PTK2B: variants seen among roughly 807,000 people sequenced by gnomAD.
PTK2B encodes protein tyrosine kinase 2 beta.
PTK2B carries 71 observed loss-of-function variants against 142.9 expected under a neutral mutation model. That is an observed-to-expected ratio of 0.50 (90% CI 0.41 to 0.61). The LOEUF is 0.61. PTK2B is among the 20% of genes least tolerant of loss of function. The pLI, the probability that PTK2B is intolerant of heterozygous loss-of-function variation, is 0.00. For missense variants in PTK2B, 1,105 were observed against 1,320.4 expected (o/e 0.84, Z 2.53); for synonymous variants, 519 against 503.4 (o/e 1.03, Z -0.42).
At chr8:27,405,462 A>G (rs1808654166) in intron 2 of PTK2B, among the ~76,000 whole-genome samples, 1 of 152,232 alleles carries the variant, frequency 6.6e-6, no homozygotes, top group African/African-American at 2.4e-5. Context: ...AGAGAATAAA[A>G]TGGAAGCACA....
At chr8:27,401,507 AG>A (rs756451922) in intron 2 of PTK2B, among the ~76,000 whole-genome samples, 64 of 152,298 alleles carry the variant, frequency 4.2e-4, no homozygotes, top group Non-Finnish European at 7.3e-4. Flanking sequence ...CATTTAAGAG[AG>A]GTTTTGACCA....
In PTK2B at chr8:27,429,127, A is replaced by G. The variant is rs191446435; in HGVS notation, c.552-966A>G. On this transcript the variant is annotated intron_variant, in intron 5 of 30. Coordinates refer to ENST00000346049, the MANE Select transcript of PTK2B (RefSeq NM_173176.3). The stretch of plus-strand genomic sequence containing the variant: ...TCACCATGTTGGCCAGGATGGTCTC[A>G]ATCTCTTGACGTTGTGATTTGCCCA... Among the ~76,000 whole-genome samples the G allele has an allele frequency of 9.2e-3, 1,395 of 152,258 alleles. 26 individuals carry two copies. The highest frequency in any genetic ancestry group is 0.032 in the African/African-American group (1,344 of 41,544).
intron 29 of PTK2B, 24 bp from the exon 30 acceptor site, chr8:27,454,507 C>T: frequency 6.2e-7 from 1 of 1,610,592 alleles, no homozygotes; most frequent in Non-Finnish European, 8.5e-7. Context: ...GAGTGGCGGC[C>T]ATCCTGCCCC....
chr8:27,397,613 G>T lies in PTK2B; in HGVS notation c.29G>T (p.Arg10Leu), dbSNP rs111853465. MSGVSEPLS[R>L]VKLGTLRRPE... ...TCTGGGGTGTCCGAGCCCCTGAGTC[G>T]AGTAAAGTTGGGCACGTTACGCCGG... The change falls in exon 2 of 31, where the codon CGA (arginine) becomes CTA (leucine). Residue 10 changes from arginine (R) to leucine (L), a missense_variant. Transcript: ENST00000346049. The T allele has an allele frequency of 1.2e-6, 2 of 1,614,136 alleles. No individual in the cohort carries two copies. Among genetic ancestry groups the T allele is most frequent in the South Asian group, 1.1e-5 (1 of 91,082 alleles).
intron 3 of PTK2B, among the ~76,000 whole-genome samples, chr8:27,315,554 G>A (rs1215171521): frequency 3.3e-5 from 5 of 152,068 alleles, no homozygotes; most frequent in Non-Finnish European, 7.3e-5. Flanking sequence ...CTGTGTCCCA[G>A]TTGTGTTGTG....
intron 5 of PTK2B, among the ~76,000 whole-genome samples, chr8:27,427,956 T>C (rs950174925): frequency 2.6e-5 from 4 of 152,132 alleles, no homozygotes; most frequent in African/African-American, 7.2e-5. Flanking sequence ...CACATTACAT[T>C]TATTGTGTAC....
At chr8:27,436,195 C>G in intron 14 of PTK2B, 56 bp from the exon 15 acceptor site, 1 of 1,554,442 alleles carries the variant, frequency 6.4e-7, no homozygotes. Flanking sequence ...CACTCAGGTT[C>G]CCTAGGGGAT....
At chr8:27,364,378 A>G (rs1805895696) in intron 1 of PTK2B, among the ~76,000 whole-genome samples, 1 of 152,250 alleles carries the variant, frequency 6.6e-6, no homozygotes, top group South Asian at 2.1e-4. Context: ...TGCGTAACGC[A>G]TTATTTCCAG....
chr8:27,433,662 T>C (rs558947631), intron 11 of PTK2B, 110 bp downstream of exon 11: 94 of 967,410 alleles, frequency 9.7e-5, no homozygotes, highest in Non-Finnish European at 1.3e-4. Context: ...GAATGAGGAT[T>C]CTTCCCCCAC....
At chr8:27,449,469 G>A (rs902590709) in intron 24 of PTK2B, among the ~76,000 whole-genome samples, 2 of 152,186 alleles carry the variant, frequency 1.3e-5, no homozygotes, top group African/African-American at 4.8e-5. Context: ...TAAGAGGCTT[G>A]GTAGGAATTA....
At chr8:27,402,422 G>C (rs182468175) in intron 2 of PTK2B, among the ~76,000 whole-genome samples, 4 of 152,278 alleles carry the variant, frequency 2.6e-5, no homozygotes, top group African/African-American at 9.6e-5. Context: ...GTAGATCCTT[G>C]GATACATAAT....
exon 1 of PTK2B, chr8:27,311,535 G>C: frequency 2.2e-6 from 1 of 456,592 alleles, no homozygotes. Context: ...TAGCACGGAA[G>C]GGTCTCCCAG....
chr8:27,430,842 A>G (rs1453069760), intron 7 of PTK2B, 34 bp from the exon 8 acceptor site: 1 of 1,606,138 alleles, frequency 6.2e-7, no homozygotes, highest in Admixed American at 1.7e-5. Context: ...TGGGAGGAGC[A>G]GGCATTGCTC....
Position 27,454,238 on chromosome 8 carries a change from C to T in PTK2B, c.2680C>T (p.Leu894Phe), listed in dbSNP as rs150385119. 3.2e-5 allele frequency: 51 copies of T among 1,614,014 alleles called. No homozygotes were observed. The highest frequency in any genetic ancestry group is 4.0e-5 in the African/African-American group (3 of 74,912). The part of the protein sequence containing the change: ...VMELVRAVLE[L>F]KNELCQLPPE... Reference sequence around the variant, plus strand: ...GGAGCTGGTGCGGGCCGTGCTGGAGCTCAAGAATGAGCTCTGTCAGCTGCC... The same window carrying T: ...GGAGCTGGTGCGGGCCGTGCTGGAGTTCAAGAATGAGCTCTGTCAGCTGCC... The change falls in exon 29 of 31, where the codon CTC becomes TTC. Residue 894 changes from leucine to phenylalanine, a missense_variant. Coordinates refer to ENST00000346049, the MANE Select transcript of PTK2B (RefSeq NM_173176.3).
At chr8:27,413,566 C>T (rs937448227) in intron 2 of PTK2B, among the ~76,000 whole-genome samples, 5 of 152,226 alleles carry the variant, frequency 3.3e-5, no homozygotes, top group African/African-American at 9.6e-5. Context: ...AGGCCACAGA[C>T]TCATGGCAGG....
intron 1 of PTK2B, among the ~76,000 whole-genome samples, chr8:27,386,565 C>G (rs1807369088): frequency 1.3e-5 from 2 of 152,160 alleles, no homozygotes; most frequent in African/African-American, 4.8e-5. Context: ...TTTCTCAAGT[C>G]TTTTCACACA....
At chr8:27,354,564 G>T (rs564353902) in intron 1 of PTK2B, among the ~76,000 whole-genome samples, 1 of 152,194 alleles carries the variant, frequency 6.6e-6, no homozygotes, top group Non-Finnish European at 1.5e-5. Context: ...TATGTTGACT[G>T]TTGGGAGGAC....
intron 3 of PTK2B, among the ~76,000 whole-genome samples, chr8:27,317,177 T>G (rs1370841514): frequency 1.3e-5 from 2 of 152,210 alleles, no homozygotes; most frequent in Non-Finnish European, 2.9e-5. Flanking sequence ...AAACCTTTCT[T>G]AAAACCTTCC....
chr8:27,326,226 A>ATATG lies in PTK2B; in HGVS notation c.-38+546_-38+547insATGT, dbSNP rs1442537834. ...CTGGGGCACAGGGGAGCTCGTGTGT[A>ATATG]TGTGTGTGTGTGTGTGTGTGTGTGT... On this transcript the variant is annotated intron_variant, in intron 1 of 30. Coordinates refer to ENST00000346049, the MANE Select transcript of PTK2B (RefSeq NM_173176.3). 3.9e-3 allele frequency among the ~76,000 whole-genome samples: 569 copies of ATATG among 146,792 alleles called. 8 individuals are homozygous for ATATG. Among genetic ancestry groups the ATATG allele is most frequent in the East Asian group, 0.03 (141 of 4,704 alleles).
Sources: gnomAD v4.1 joint callset for allele counts (sites outside exome capture counted in the v4.1 genomes callset) on GRCh38, gnomAD v4.1.1 for gene constraint, MANE v1.5 for transcripts, NCBI Gene and HGNC (gene_info 2026-07-23, HGNC 2026-07-21) for gene names.